Variants in LRRC28 observed in about 807,000 individuals in gnomAD.
LRRC28 encodes leucine rich repeat containing 28.
In LRRC28, 39 loss-of-function variants were observed where a neutral mutation model predicts 45.7. The observed-to-expected ratio is 0.85, with a 90% CI of 0.66 to 1.12. The LOEUF is 1.12. LRRC28 is among the 50% of genes most tolerant of loss of function. LRRC28 has a pLI of 0.00. For missense variants in LRRC28, 435 were observed against 438.5 expected (o/e 0.99, Z 0.07); for synonymous variants, 206 against 178.8 (o/e 1.15, Z -1.22).
At position 99,287,978 on chromosome 15, in the gene LRRC28, GT is replaced by G. The variant is rs777937845; in HGVS notation, c.385+30del. ...TAATCATAGTCTCTAGCACACTATA[GT>G]TTCTTGTCTATTATAAATCTGTATT... On this transcript the variant is annotated intron_variant, in intron 5 of 9. Coordinates refer to ENST00000301981, the MANE Select transcript of LRRC28 (RefSeq NM_144598.5). The G allele has an allele frequency of 7.6e-6, 12 of 1,582,756 alleles. No individual in the cohort carries two copies. The Admixed American group carries it at 2.1e-4, about 28-fold the overall frequency.
intron 7 of LRRC28, among the ~76,000 whole-genome samples, chr15:99,359,418 A>C (rs185169401): frequency 2.0e-5 from 3 of 152,382 alleles, no homozygotes; most frequent in African/African-American, 7.2e-5. Flanking sequence ...GAAGAAATGT[A>C]AATGGCCAGC....
At chr15:99,385,947 A>G in intron 9 of LRRC28, 83 bp from the exon 10 acceptor site, 1 of 1,278,230 alleles carries the variant, frequency 7.8e-7, no homozygotes, top group Non-Finnish European at 1.1e-6. Context: ...CCATTTTAAC[A>G]AAGAAAAAAG....
intron 5 of LRRC28, among the ~76,000 whole-genome samples, chr15:99,292,647 A>G (rs1839982065): frequency 6.6e-6 from 1 of 152,028 alleles, no homozygotes; most frequent in Admixed American, 6.5e-5. Flanking sequence ...TACAGGCGTG[A>G]GCCACCGCGC....
At chr15:99,374,294 A>G (rs933351375) in intron 9 of LRRC28, among the ~76,000 whole-genome samples, 2 of 152,246 alleles carry the variant, frequency 1.3e-5, no homozygotes, top group African/African-American at 4.8e-5. Context: ...AATAATTTTC[A>G]GCATATAAAT....
At chr15:99,321,659 G>C (rs1032650530) in intron 5 of LRRC28, among the ~76,000 whole-genome samples, 1 of 152,162 alleles carries the variant, frequency 6.6e-6, no homozygotes, top group African/African-American at 2.4e-5. Flanking sequence ...TGAATCATAA[G>C]TGTGAGGTTT....
chr15:99,344,101 A>G (rs927698296), intron 6 of LRRC28, among the ~76,000 whole-genome samples: 2 of 152,082 alleles, frequency 1.3e-5, no homozygotes, highest in African/African-American at 2.4e-5. Flanking sequence ...ATCATCCCAC[A>G]CTGTTTTGTG....
At chr15:99,323,298 G>T (rs903665798) in intron 5 of LRRC28, among the ~76,000 whole-genome samples, 5 of 152,114 alleles carry the variant, frequency 3.3e-5, no homozygotes, top group African/African-American at 1.2e-4. Flanking sequence ...CAATAATTTG[G>T]TGTTAAAGGA....
Position 99,386,440 on chromosome 15 carries a change from T to C in LRRC28, c.*338T>C. ...GACTTGATCATCTAGCCAGATTCCCTTTTGAACACACATACCTTCAGTGAT... is the reference window on the plus strand; with the variant it reads ...GACTTGATCATCTAGCCAGATTCCCCTTTGAACACACATACCTTCAGTGAT... On this transcript the variant is annotated 3_prime_UTR_variant, in exon 10 of 10. Coordinates refer to ENST00000301981, the MANE Select transcript of LRRC28 (RefSeq NM_144598.5). The C allele has an allele frequency of 4.5e-6, 1 of 219,830 alleles. No individual in the cohort carries two copies. The highest frequency in any genetic ancestry group is 1.0e-4 in the East Asian group (1 of 10,050). The allele number at this position is 219,830 out of a possible 1,614,324, so 13.6% of individuals were successfully genotyped here.
rs968756112 is a variant in LRRC28 at position 99,258,182 on chromosome 15, A to G, written c.168+2057A>G. ...TGAAGCACAGGAAGATGGCCAGTCA[A>G]CTTCTGAATTGATTGGCCAGTTTGG... On this transcript the variant is annotated intron_variant, in intron 2 of 9. Coordinates refer to ENST00000301981, the MANE Select transcript of LRRC28 (RefSeq NM_144598.5). The G allele has an allele frequency of 2.0e-5, 33 of 1,612,376 alleles. No homozygotes were observed. The Admixed American group carries it at 2.3e-4, about 11-fold the overall frequency.
chr15:99,351,098 C>G (rs1047497327), intron 6 of LRRC28, among the ~76,000 whole-genome samples: 2 of 152,162 alleles, frequency 1.3e-5, no homozygotes, highest in South Asian at 2.1e-4. Context: ...CACCACCCCC[C>G]ACCCCTGCCA....
In LRRC28 at chr15:99,361,468, G is replaced by A. The variant is rs548118158; in HGVS notation, c.828G>A (p.Leu276=). Reference sequence around the variant, plus strand: ...ATCACGTCCTCCCTCTGCAGGAATTGGCTATGAGAGGGCTGTATCATACCT... The same window carrying A: ...ATCACGTCCTCCCTCTGCAGGAATTAGCTATGAGAGGGCTGTATCATACCT... ...EHDHVLPLQE[L]AMRGLYHTYH... is the part of the protein sequence containing the mutation. The change falls in exon 8 of 10, where the codon TTG becomes TTA. Residue 276 remains leucine, a synonymous_variant. Coordinates refer to ENST00000301981, the MANE Select transcript of LRRC28 (RefSeq NM_144598.5). The A allele has an allele frequency of 7.4e-6, 12 of 1,613,548 alleles. No homozygotes were observed. The highest frequency in any genetic ancestry group is 1.3e-5 in the African/African-American group (1 of 74,860).
chr15:99,312,984 G>A (rs944232460), intron 5 of LRRC28, among the ~76,000 whole-genome samples: 5 of 152,050 alleles, frequency 3.3e-5, no homozygotes, highest in Non-Finnish European at 7.4e-5. Context: ...ACAATCAAAA[G>A]GAAGAGATTT....
chr15:99,288,991 C>T (rs912079081), intron 5 of LRRC28, among the ~76,000 whole-genome samples: 3 of 152,024 alleles, frequency 2.0e-5, no homozygotes, highest in Non-Finnish European at 4.4e-5. Flanking sequence ...AGTATGTTAA[C>T]TTTGATTTTA....
chr15:99,287,260 C>T lies in LRRC28; in HGVS notation c.213C>T (p.Tyr71=). Residue 71 remains tyrosine, a synonymous_variant, in exon 4 of 10, where the codon TAC becomes TAT. Coordinates refer to ENST00000301981, the MANE Select transcript of LRRC28 (RefSeq NM_144598.5). ...TTTTTTTCTTTTTCCTTCCTAGATA[C>T]CTGCACTCAAATAACATAGTTGTGG... ...AQKLPNLVEL[Y]LHSNNIVVVP... The T allele has an allele frequency of 6.4e-7, 1 of 1,571,656 alleles. No individual in the cohort carries two copies. Among genetic ancestry groups the T allele is most frequent in the East Asian group, 2.3e-5 (1 of 42,786 alleles).
In LRRC28 at chr15:99,278,006, G is replaced by A. The variant is rs759919903; in HGVS notation, c.209+1390G>A. ...GTATATATGAACAATATTGATTTTT[G>A]CGTGTTAACTTTATATCCTGGTATC... On this transcript the variant is annotated intron_variant, in intron 3 of 9. Transcript: ENST00000301981. 5.3e-4 allele frequency among the ~76,000 whole-genome samples: 80 copies of A among 151,890 alleles called. 1 individual carries two copies. Among genetic ancestry groups the A allele is most frequent in the Non-Finnish European group, 1.0e-3 (68 of 67,960 alleles).
chr15:99,358,634 G>T (rs1415139146), intron 7 of LRRC28, among the ~76,000 whole-genome samples: 1 of 152,020 alleles, frequency 6.6e-6, no homozygotes, highest in Non-Finnish European at 1.5e-5. Context: ...CAGTGTATTT[G>T]GGAACTTAAT....
At position 99,381,162 on chromosome 15, in the gene LRRC28, A is replaced by G. The variant is rs188383526; in HGVS notation, c.1032-4868A>G. On this transcript the variant is annotated intron_variant, in intron 9 of 9. Coordinates refer to ENST00000301981, the MANE Select transcript of LRRC28 (RefSeq NM_144598.5). ...GGTTCCATTCTCCCCATCACTTTCA[A>G]GTATACCAATCAGACGTAGATTTGG... 1.8e-4 allele frequency among the ~76,000 whole-genome samples: 27 copies of G among 152,274 alleles called. No homozygotes were observed. In the East Asian group the frequency reaches 4.4e-3, roughly 25 times the overall value.
In LRRC28 at chr15:99,387,344, G is replaced by GCC. The variant is rs1958054616; in HGVS notation, c.*1243_*1244dup. 6.6e-6 allele frequency: 1 copy of GCC among 152,240 alleles called. No homozygotes were observed. The highest frequency in any genetic ancestry group is 1.5e-5 in the Non-Finnish European group (1 of 68,086). 9.4% of individuals were successfully genotyped at this position (152,240 alleles called of 1,614,324 possible). ...CAAAGTGCTGGGATTACAGGCGTGA[G>GCC]CCACCGCGCCCGGCCCACTACTGGT... On this transcript the variant is annotated 3_prime_UTR_variant, in exon 10 of 10. Transcript: ENST00000301981.
At chr15:99,296,376 G>A (rs2082263242) in intron 5 of LRRC28, among the ~76,000 whole-genome samples, 2 of 152,296 alleles carry the variant, frequency 1.3e-5, no homozygotes, top group South Asian at 4.2e-4. Flanking sequence ...AACACGCAGT[G>A]TGTTATTGTG....
Sources: allele counts gnomAD v4.1 joint callset (sites outside exome capture counted in the v4.1 genomes callset), GRCh38; gene constraint gnomAD v4.1.1; transcripts MANE v1.5; gene names NCBI Gene and HGNC (gene_info 2026-07-23, HGNC 2026-07-21).